MAST4: variants seen among roughly 807,000 people sequenced by gnomAD.
MAST4 encodes microtubule-associated serine/threonine-protein kinase 4.
A neutral mutation model predicts 162.7 loss-of-function variants in MAST4; 89 were observed. The ratio of observed to expected loss-of-function variants is 0.55; its 90% CI spans 0.46 to 0.65. The LOEUF is 0.65. Ranked by LOEUF, MAST4 falls within the 30% of genes least tolerant of loss-of-function variation. The pLI is 0.00. For synonymous variants in MAST4, 1,479 were observed against 1,361.1 expected, an observed-to-expected ratio of 1.09 and a Z score of -1.91; for missense variants, 3,153 against 3,374.0, an observed-to-expected ratio of 0.93 and a Z score of 1.62.
intron 4 of MAST4, among the ~76,000 whole-genome samples, chr5:66,919,466 G>C (rs968310886): frequency 6.6e-6 from 1 of 151,874 alleles, no homozygotes; most frequent in Non-Finnish European, 1.5e-5. Flanking sequence ...TTTGTGACCA[G>C]CCTGGCCAAC....
chr5:66,801,952 T>C (rs903767589), intron 3 of MAST4, among the ~76,000 whole-genome samples: 22 of 152,294 alleles, frequency 1.4e-4, no homozygotes, highest in African/African-American at 4.8e-4. Context: ...TAAAATTGGT[T>C]CCTTAGAAAT....
intron 3 of MAST4, among the ~76,000 whole-genome samples, chr5:66,804,834 T>C (rs1756105810): frequency 6.6e-6 from 1 of 152,258 alleles, no homozygotes; most frequent in South Asian, 2.1e-4. Context: ...TTAAATTTTT[T>C]CTTAATCAAT....
intron 3 of MAST4, among the ~76,000 whole-genome samples, chr5:66,867,681 A>C (rs36144): frequency 0.55 from 82,921 of 152,102 alleles, 23,869 homozygotes; most frequent in Non-Finnish European, 0.64. Flanking sequence ...TTGGGTTCAC[A>C]TGAGCAATAG....
chr5:66,663,659 G>A (rs958255335), intron 1 of MAST4, among the ~76,000 whole-genome samples: 3 of 152,208 alleles, frequency 2.0e-5, no homozygotes, highest in Non-Finnish European at 4.4e-5. Flanking sequence ...AGCAGTGGAA[G>A]CCACTGTAGC....
chr5:66,790,881 T>G (rs778530125), intron 3 of MAST4, among the ~76,000 whole-genome samples: 2 of 122,624 alleles, frequency 1.6e-5, no homozygotes, highest in African/African-American at 3.0e-5. Flanking sequence ...TTCATGATTT[T>G]TTTTTGACAG....
intron 3 of MAST4, among the ~76,000 whole-genome samples, chr5:66,801,567 G>T (rs529640954): frequency 3.3e-5 from 5 of 152,198 alleles, no homozygotes; most frequent in African/African-American, 1.2e-4. Context: ...TTTTAGACCC[G>T]TGGAATAAAC....
intron 12 of MAST4, chr5:67,114,737 T>A (rs1256132042): frequency 1.3e-5 from 2 of 152,282 alleles, no homozygotes; most frequent in Non-Finnish European, 2.9e-5. Flanking sequence ...AAAAAAGAAA[T>A]TTTTTTTAAG....
At chr5:67,052,050 A>G (rs911671569) in intron 4 of MAST4, among the ~76,000 whole-genome samples, 13 of 152,212 alleles carry the variant, frequency 8.5e-5, no homozygotes, top group African/African-American at 3.1e-4. Flanking sequence ...GCATTTGTCA[A>G]TAAGATATAC....
In MAST4 at chr5:67,164,760, C is replaced by T. The variant is rs1773666466; in HGVS notation, c.5581C>T (p.Pro1861Ser). 6.2e-7 allele frequency: 1 copy of T among 1,614,020 alleles called. No homozygotes were observed. The highest frequency in any genetic ancestry group is 8.5e-7 in the Non-Finnish European group (1 of 1,179,898). The change falls in exon 29 of 29, where the codon CCT becomes TCT. Residue 1861 changes from proline (P) to serine (S), a missense_variant. Transcript: ENST00000403625. This position sits in a 1 kb window ranked among gnomAD's most constrained non-coding sequence, Gnocchi z 5.3. ...NDTTSARELS[P>S]SSLKMNKSYL... ...TACCACCAGTGCAAGAGAGCTTTCT[C>T]CTTCCAGCTTAAAGATGAATAAATC...
At chr5:66,845,126 T>TATATACATAC (rs1358855625) in intron 3 of MAST4, among the ~76,000 whole-genome samples, 6 of 67,178 alleles carry the variant, frequency 8.9e-5, no homozygotes, top group East Asian at 8.0e-4. Context: ...TATATATATA[T>TATATACATAC]ACACACACAC....
intron 5 of MAST4, among the ~76,000 whole-genome samples, chr5:67,078,800 TTATTTATATTTATA>T (rs1476377798): frequency 5.1e-5 from 6 of 117,796 alleles, no homozygotes; most frequent in African/African-American, 2.2e-4. Flanking sequence ...CTAAATATAT[TTATTTATATTTATA>T]TTTTTATATT....
At chr5:66,995,739 A>G (rs1750558889) in intron 4 of MAST4, among the ~76,000 whole-genome samples, 1 of 152,082 alleles carries the variant, frequency 6.6e-6, no homozygotes, top group Non-Finnish European at 1.5e-5. Flanking sequence ...GGCATAGCAC[A>G]GTGGCTCATA....
Position 66,628,366 on chromosome 5 carries a change from C to T in MAST4, c.363+31348C>T, listed in dbSNP as rs543961340. 8.2e-4 allele frequency among the ~76,000 whole-genome samples: 121 copies of T among 147,662 alleles called. No homozygotes were observed. The South Asian group carries it at 9.9e-3, about 12-fold the overall frequency. ...TTTTTTTTTTTTTTTTAAGTAGGCT[C>T]CAGAACTGTAAAATAAGGTCATTGT... On this transcript the variant is annotated intron_variant, in intron 1 of 28. Coordinates refer to ENST00000403625, the MANE Select transcript of MAST4 (RefSeq NM_001164664.2).
intron 1 of MAST4, among the ~76,000 whole-genome samples, chr5:66,731,638 TTA>T (rs781731448): frequency 3.2e-4 from 48 of 152,288 alleles, no homozygotes; most frequent in Admixed American, 8.5e-4. Flanking sequence ...TTCCTCTGGC[TTA>T]TAGTCTTCTA....
chr5:67,166,047 A>G lies in MAST4; in HGVS notation c.6868A>G (p.Ser2290Gly), dbSNP rs1466174673. The change falls in exon 29 of 29, where the codon AGT becomes GGT. Residue 2290 changes from serine to glycine, a missense_variant. This residue lies in a region of MAST4 where 1,644 missense variants were observed against 1,495.0 expected (regional missense o/e 1.10). Coordinates refer to ENST00000403625, the MANE Select transcript of MAST4 (RefSeq NM_001164664.2). The part of the protein sequence containing the change: ...APLDAKPQPT[S>G]GGRPLEVLEK... ...TCTAGACGCCAAGCCACAACCCACCAGTGGTGGGCGGCCCCTGGAGGTGCT... is the reference window on the plus strand; with the variant it reads ...TCTAGACGCCAAGCCACAACCCACCGGTGGTGGGCGGCCCCTGGAGGTGCT... 1 of 1,613,808 alleles carries G rather than the reference A, an allele frequency of 6.2e-7. No individual in the cohort carries two copies. The highest frequency in any genetic ancestry group is 1.7e-5 in the Admixed American group (1 of 60,008).
intron 14 of MAST4, 43 bp from the exon 15 acceptor site, chr5:67,130,167 T>C: frequency 6.4e-7 from 1 of 1,553,062 alleles, no homozygotes; most frequent in South Asian, 1.2e-5. Context: ...ACATCCTTAC[T>C]TTCTCTCCTC....
chr5:66,601,990 A>AT (rs1254300933), intron 1 of MAST4, among the ~76,000 whole-genome samples: 1 of 152,198 alleles, frequency 6.6e-6, no homozygotes, highest in Non-Finnish European at 1.5e-5. Context: ...CTCCAGGTAT[A>AT]TGCATATACC....
At chr5:66,675,645 C>G (rs554738569) in intron 1 of MAST4, among the ~76,000 whole-genome samples, 7 of 152,052 alleles carry the variant, frequency 4.6e-5, no homozygotes, top group African/African-American at 1.7e-4. Flanking sequence ...AAGAACATCA[C>G]GGGGAGGCTC....
chr5:67,103,748 C>G (rs968185335), intron 9 of MAST4, among the ~76,000 whole-genome samples: 20 of 152,156 alleles, frequency 1.3e-4, no homozygotes, highest in African/African-American at 4.8e-4. Context: ...CCGAAAGATA[C>G]ATTTTTAGCT....
Sources: allele counts gnomAD v4.1 joint callset (sites outside exome capture counted in the v4.1 genomes callset), GRCh38; gene constraint gnomAD v4.1.1; regional missense constraint gnomAD v4.1.1; non-coding constraint Gnocchi (gnomAD v3.1); transcripts MANE v1.5; gene names NCBI Gene and HGNC (gene_info 2026-07-23, HGNC 2026-07-21).